The following DARS1 variants were observed in gnomAD, a reference collection of about 807,000 sequenced individuals.
The protein encoded by DARS1 is aspartate--tRNA ligase, cytoplasmic.
Under a neutral mutation model 68.8 loss-of-function variants are expected in DARS1, and 51 were observed. The observed-to-expected ratio is 0.74, with a 90% CI of 0.59 to 0.94. The LOEUF (loss-of-function observed/expected upper bound fraction) is 0.94, where lower values mean the gene tolerates loss of function less well. Ranked by LOEUF, DARS1 falls within the 40% of genes least tolerant of loss-of-function variation. The probability of loss-of-function intolerance (pLI) is 0.00; values close to 1 mark genes in which losing one functional copy is unlikely to be tolerated. For missense variants in DARS1, 607 were observed against 597.3 expected, an observed-to-expected ratio of 1.02 and a Z score of -0.17; for synonymous variants, 203 against 190.4, an observed-to-expected ratio of 1.07 and a Z score of -0.55.
intron 3 of DARS1, among the ~76,000 whole-genome samples, chr2:135,977,428 A>C (rs183915927): frequency 2.4e-4 from 36 of 152,314 alleles, no homozygotes; most frequent in African/African-American, 8.2e-4. Flanking sequence ...TCGTAAAATA[A>C]AGGGATGGGT....
chr2:135,923,772 C>T (rs572606439), intron 8 of DARS1, among the ~76,000 whole-genome samples: 4 of 152,220 alleles, frequency 2.6e-5, no homozygotes, highest in African/African-American at 7.2e-5. Context: ...AATCCCAGCA[C>T]TCTGGCAGGC....
At chr2:135,962,087 C>T (rs1315217211) in intron 3 of DARS1, among the ~76,000 whole-genome samples, 2 of 152,138 alleles carry the variant, frequency 1.3e-5, no homozygotes, top group African/African-American at 4.8e-5. Flanking sequence ...CCTAGTCCTT[C>T]ATATTTTATG....
At chr2:135,913,331 T>C (rs1276365935) in intron 12 of DARS1, among the ~76,000 whole-genome samples, 10 of 152,218 alleles carry the variant, frequency 6.6e-5, no homozygotes, top group Non-Finnish European at 1.5e-4. Context: ...TATCTAGATA[T>C]ATACATGAGA....
At chr2:135,978,971 ATTT>A (rs5834455) in intron 3 of DARS1, 422 of 191,614 alleles carry the variant, frequency 2.2e-3, no homozygotes, top group East Asian at 6.4e-3. Context: ...TTTTTTTTCA[ATTT>A]TTTTTTTTTT....
Position 135,933,964 on chromosome 2 carries a change from G to T in DARS1, c.450C>A (p.Pro150=). Residue 150 remains proline, a synonymous_variant, in exon 6 of 16, where the codon CCC becomes CCA. Transcript: ENST00000264161. ...CATCATCCAGCTGCAGGGGCAGACG[G>T]GGTTCAGCCAAACTGATCACATAAA... is the stretch of plus-strand genomic sequence containing the variant. ...QKIYVISLAE[P]RLPLQLDDAV... 6.2e-7 allele frequency: 1 copy of T among 1,613,650 alleles called. No individual in the cohort carries two copies. The highest frequency in any genetic ancestry group is 2.2e-5 in the East Asian group (1 of 44,866).
Position 135,952,285 on chromosome 2 carries a change from TA to T in DARS1, c.321-8806del, listed in dbSNP as rs151278573. Among the ~76,000 whole-genome samples, 1,139 of 152,164 alleles carry T rather than the reference TA, an allele frequency of 7.5e-3. 14 individuals carry two copies. Among genetic ancestry groups the T allele is most frequent in the African/African-American group, 0.026 (1,071 of 41,504 alleles). On this transcript the variant is annotated intron_variant, in intron 4 of 15. Transcript: ENST00000264161. ...ATGCCATTAATGAAGTTTTTTTTTT[TA>T]AATTGACACATAATTGTACATATTT...
chr2:135,978,020 G>A (rs1304125999), intron 3 of DARS1, among the ~76,000 whole-genome samples: 1 of 151,442 alleles, frequency 6.6e-6, no homozygotes, highest in Non-Finnish European at 1.5e-5. Context: ...GCGCATGCCT[G>A]TAATCCCAGC....
intron 3 of DARS1, among the ~76,000 whole-genome samples, chr2:135,973,102 T>G (rs1352573054): frequency 6.6e-6 from 1 of 152,150 alleles, no homozygotes; most frequent in African/African-American, 2.4e-5. Flanking sequence ...AATCAGTGTA[T>G]CGAAGAGATA....
At chr2:135,934,061 T>C (rs374867071) in intron 5 of DARS1, 71 bp from the exon 6 acceptor site, 38 of 1,560,482 alleles carry the variant, frequency 2.4e-5, no homozygotes, top group East Asian at 2.1e-4. Context: ...AAAAACAATC[T>C]ACAGTTGACT....
intron 5 of DARS1, among the ~76,000 whole-genome samples, chr2:135,935,557 G>A (rs1445142677): frequency 6.6e-6 from 1 of 151,978 alleles, no homozygotes; most frequent in South Asian, 2.1e-4. Context: ...CCGAGATCCC[G>A]CCGCTGCACT....
rs1681651428 is a variant in DARS1 at position 135,943,422 on chromosome 2, T to C, written c.379A>G (p.Ile127Val). 6.2e-7 allele frequency: 1 copy of C among 1,613,632 alleles called. No individual in the cohort carries two copies. Among genetic ancestry groups the C allele is most frequent in the African/African-American group, 1.3e-5 (1 of 74,912 alleles). ...EGVVRKVNQKIGSCTQQDVEL... is the reference protein window; with the variant it reads ...EGVVRKVNQKVGSCTQQDVEL... ...ACGTCTTGCTGTGTACAGCTTCCAATTTTCTGATTCACTTTTCTCACAACA... is the reference window on the plus strand; with the variant it reads ...ACGTCTTGCTGTGTACAGCTTCCAACTTTCTGATTCACTTTTCTCACAACA... The change falls in exon 5 of 16, where the codon ATT becomes GTT. Residue 127 changes from isoleucine (I) to valine (V), a missense_variant. Coordinates refer to ENST00000264161, the MANE Select transcript of DARS1 (RefSeq NM_001349.4).
In DARS1 at chr2:135,924,407, T is replaced by C; in HGVS notation, c.656A>G (p.Gln219Arg). 6.3e-7 allele frequency: 1 copy of C among 1,598,974 alleles called. No individual in the cohort carries two copies. Among genetic ancestry groups the C allele is most frequent in the Non-Finnish European group, 8.5e-7 (1 of 1,176,096 alleles). Residue 219 changes from glutamine to arginine, a missense_variant, in exon 8 of 16, where the codon CAA becomes CGA. Physicochemically the swap from Gln to Arg is conservative, Grantham distance 43. Coordinates refer to ENST00000264161, the MANE Select transcript of DARS1 (RefSeq NM_001349.4). ...TLINKGFVEI[Q>R]TPKIISAASE... The stretch of plus-strand genomic sequence containing the variant: ...CATACCTGAAATAATTTTAGGAGTT[T>C]GGATTTCCACAAAACCTTTGTTAAT...
At position 135,985,525 on chromosome 2, in the gene DARS1, G is replaced by T. The variant is rs752206493; in HGVS notation, c.-57C>A. 3.1e-6 allele frequency: 5 copies of T among 1,612,982 alleles called. No homozygotes were observed. The East Asian group carries it at 1.1e-4, about 36-fold the overall frequency. ...CTCCCTCGCAGGCTTCCGTAAGGCAGGCCAAAGGGGCTTCTCCCTCCCTCC... is the reference window on the plus strand; with the variant it reads ...CTCCCTCGCAGGCTTCCGTAAGGCATGCCAAAGGGGCTTCTCCCTCCCTCC... On this transcript the variant is annotated 5_prime_UTR_variant, in exon 1 of 16. The change creates a new upstream start codon in the 5' untranslated region. Transcript: ENST00000264161.
chr2:135,910,119 T>C (rs1368476549), intron 15 of DARS1, among the ~76,000 whole-genome samples: 3 of 152,164 alleles, frequency 2.0e-5, no homozygotes, highest in Admixed American at 6.5e-5. Context: ...TAATGCTGCA[T>C]TGAACATCAG....
intron 3 of DARS1, 28 bp downstream of exon 3, chr2:135,979,246 A>C: frequency 7.3e-6 from 7 of 955,240 alleles, no homozygotes; most frequent in Non-Finnish European, 1.0e-5. Context: ...CCTTACCGAA[A>C]GAGCTTTAAT....
At chr2:135,961,886 T>C (rs560103503) in intron 3 of DARS1, among the ~76,000 whole-genome samples, 22 of 152,366 alleles carry the variant, frequency 1.4e-4, no homozygotes, top group African/African-American at 4.8e-4. Context: ...GCAAAGGCAC[T>C]GTACTACTAT....
chr2:135,975,771 A>C (rs1251069894), intron 3 of DARS1, among the ~76,000 whole-genome samples: 2 of 150,784 alleles, frequency 1.3e-5, no homozygotes, highest in Non-Finnish European at 3.0e-5. Context: ...AAAAAAAAAA[A>C]GCCCTCATCT....
At chr2:135,919,708 G>A (rs1280531633) in intron 10 of DARS1, among the ~76,000 whole-genome samples, 3 of 152,184 alleles carry the variant, frequency 2.0e-5, no homozygotes, top group Admixed American at 6.5e-5. Flanking sequence ...GGGTGTAGGT[G>A]AAGTGCACAT....
intron 4 of DARS1, among the ~76,000 whole-genome samples, chr2:135,946,527 T>C (rs1681726045): frequency 6.6e-6 from 1 of 152,122 alleles, no homozygotes; most frequent in Non-Finnish European, 1.5e-5. Context: ...ATGAAGGAAG[T>C]TGAATTATTT....
Sources: allele counts gnomAD v4.1 joint callset (sites outside exome capture counted in the v4.1 genomes callset), GRCh38; gene constraint gnomAD v4.1.1; transcripts MANE v1.5; gene names NCBI Gene and HGNC (gene_info 2026-07-23, HGNC 2026-07-21).